Variants in KIF14 observed in about 807,000 individuals in gnomAD.
The protein encoded by KIF14 is kinesin-like protein KIF14.
In KIF14, 98 loss-of-function variants were observed where a neutral mutation model predicts 176.2. The observed-to-expected ratio is 0.56, with a 90% CI of 0.47 to 0.66. The LOEUF is 0.66. KIF14 is among the 30% of genes least tolerant of loss of function. KIF14 has a pLI of 0.00. For synonymous variants in KIF14, 566 were observed against 632.2 expected, an observed-to-expected ratio of 0.90 and a Z score of 1.57; for missense variants, 1,751 against 1,920.4, an observed-to-expected ratio of 0.91 and a Z score of 1.65.
At chr1:200,588,996 A>G (rs1658902788) in intron 18 of KIF14, among the ~76,000 whole-genome samples, 1 of 152,218 alleles carries the variant, frequency 6.6e-6, no homozygotes, top group Admixed American at 6.5e-5. Flanking sequence ...AGAACACTGG[A>G]GTGGAACTAG....
At chr1:200,560,087 T>A (rs1657050689) in intron 26 of KIF14, among the ~76,000 whole-genome samples, 1 of 152,094 alleles carries the variant, frequency 6.6e-6, no homozygotes, top group Non-Finnish European at 1.5e-5. Flanking sequence ...TAATACAATG[T>A]TTTCAATAGC....
intron 21 of KIF14, among the ~76,000 whole-genome samples, chr1:200,577,562 C>A (rs375620443): frequency 6.6e-6 from 1 of 151,406 alleles, no homozygotes; most frequent in Admixed American, 6.6e-5. Context: ...TTTGGGAGGC[C>A]GAGGCGAGTG....
At chr1:200,600,023 A>T (rs1321793282) in intron 13 of KIF14, 27 bp downstream of exon 13, 1 of 1,320,770 alleles carries the variant, frequency 7.6e-7, no homozygotes. Context: ...TTTATTTTCT[A>T]ATCAGTTTAG....
At chr1:200,561,706 T>A (rs142907374) in intron 25 of KIF14, among the ~76,000 whole-genome samples, 1,999 of 152,128 alleles carry the variant, frequency 0.013, 37 homozygotes, top group African/African-American at 0.044. Flanking sequence ...GAGTAAGATA[T>A]AGTCTCCACC....
chr1:200,559,582 A>G (rs115356481), intron 26 of KIF14, 130 bp from the exon 27 acceptor site: 11,755 of 425,596 alleles, frequency 0.028, 204 homozygotes, highest in Middle Eastern at 0.045. Context: ...TTAGGACTAT[A>G]ATACATCCCA....
chr1:200,592,358 C>T, intron 15 of KIF14, 118 bp from the exon 16 acceptor site: 1 of 731,876 alleles, frequency 1.4e-6, no homozygotes, highest in Middle Eastern at 2.5e-4. Flanking sequence ...ACATAAACAT[C>T]ATAGCAACTA....
intron 22 of KIF14, 45 bp downstream of exon 22, chr1:200,575,545 AT>A: frequency 2.1e-6 from 2 of 946,426 alleles, no homozygotes; most frequent in Non-Finnish European, 3.3e-6. Flanking sequence ...ACACACACAC[AT>A]GCACACACAA....
chr1:200,557,429 G>A (rs969066404), intron 27 of KIF14, among the ~76,000 whole-genome samples: 7 of 152,164 alleles, frequency 4.6e-5, no homozygotes, highest in African/African-American at 1.4e-4. Flanking sequence ...TAGCATTTTC[G>A]TATACGTTGT....
At chr1:200,606,698 C>G in intron 6 of KIF14, 48 bp downstream of exon 6, 3 of 1,467,084 alleles carry the variant, frequency 2.0e-6, no homozygotes, top group East Asian at 2.3e-5. Context: ...AACATTCACT[C>G]TATTCATTTG....
intron 22 of KIF14, among the ~76,000 whole-genome samples, chr1:200,572,722 G>T (rs538067934): frequency 6.6e-6 from 1 of 152,274 alleles, no homozygotes; most frequent in Non-Finnish European, 1.5e-5. Context: ...GTTTAAATCT[G>T]TTTATAATAA....
Position 200,565,060 on chromosome 1 carries a change from T to C in KIF14, c.4071+9A>G, listed in dbSNP as rs1640501525. On this transcript the variant is annotated intron_variant, in intron 25 of 29. Transcript: ENST00000367350. ...AATCCTTCAAATGATAATAAGCAAATCAATTTACCTGCAAAAATAACTGTA... is the reference window on the plus strand; with the variant it reads ...AATCCTTCAAATGATAATAAGCAAACCAATTTACCTGCAAAAATAACTGTA... The C allele has an allele frequency of 1.3e-6, 2 of 1,599,040 alleles. No individual in the cohort carries two copies. The highest frequency in any genetic ancestry group is 2.7e-5 in the African/African-American group (2 of 74,444).
chr1:200,575,403 A>T (rs911947878), intron 22 of KIF14, among the ~76,000 whole-genome samples, 188 bp downstream of exon 22: 2 of 152,176 alleles, frequency 1.3e-5, no homozygotes, highest in South Asian at 4.1e-4. Context: ...TTAATGCCCT[A>T]AGTGCTGTAA....
intron 27 of KIF14, among the ~76,000 whole-genome samples, chr1:200,557,691 T>C (rs1485156946): frequency 6.6e-6 from 1 of 152,158 alleles, no homozygotes; most frequent in African/African-American, 2.4e-5. Context: ...CCTCAGATTC[T>C]AAGATGAGCT....
At position 200,566,607 on chromosome 1, in the gene KIF14, GAGAC is replaced by G. The variant is rs1250555818; in HGVS notation, c.3662-942_3662-939del. Reference sequence around the variant, plus strand: ...GACTCTGTCTCAAAAAAAAAAAAGAGAGACAGACAGGGTCTTGCTCTGTTGCCCA... The same window carrying G: ...GACTCTGTCTCAAAAAAAAAAAAGAGAGACAGGGTCTTGCTCTGTTGCCCA... On this transcript the variant is annotated intron_variant, in intron 23 of 29. Coordinates refer to ENST00000367350, the MANE Select transcript of KIF14 (RefSeq NM_014875.3). Among the ~76,000 whole-genome samples the G allele has an allele frequency of 2.0e-5, 3 of 149,016 alleles. No homozygotes were observed. The South Asian group carries it at 6.4e-4, about 32-fold the overall frequency.
In KIF14 at chr1:200,553,182, T is replaced by C. The variant is rs1656638106; in HGVS notation, c.*206A>G. ...CGGTCTCAAACTCCTGACCTTGTGA[T>C]CTGCCCGCCTCCCAAAGTGCTGGGA... On this transcript the variant is annotated 3_prime_UTR_variant, in exon 30 of 30. Coordinates refer to ENST00000367350, the MANE Select transcript of KIF14 (RefSeq NM_014875.3). 1 of 391,254 alleles carries C rather than the reference T, an allele frequency of 2.6e-6. No individual in the cohort carries two copies. The highest frequency in any genetic ancestry group is 6.1e-5 in the South Asian group (1 of 16,526). The allele number at this position is 391,254 out of a possible 1,614,324, so 24.2% of individuals were successfully genotyped here.
At chr1:200,596,420 T>G (rs1046262843) in intron 14 of KIF14, among the ~76,000 whole-genome samples, 2 of 152,132 alleles carry the variant, frequency 1.3e-5, no homozygotes, top group African/African-American at 2.4e-5. Flanking sequence ...TGGCTATTCA[T>G]GTGGAAAATA....
chr1:200,603,768 G>A (rs930024659), intron 9 of KIF14, 71 bp downstream of exon 9: 2 of 943,062 alleles, frequency 2.1e-6, no homozygotes, highest in Non-Finnish European at 3.5e-6. Flanking sequence ...AGTGTATTCA[G>A]TTTGTATTCT....
chr1:200,580,617 A>G (rs111643704), intron 20 of KIF14, among the ~76,000 whole-genome samples: 1 of 152,098 alleles, frequency 6.6e-6, no homozygotes, highest in Non-Finnish European at 1.5e-5. Flanking sequence ...GAACAATGAA[A>G]TACTGATACA....
At chr1:200,589,675 T>C (rs1207635259) in intron 17 of KIF14, among the ~76,000 whole-genome samples, 2 of 133,164 alleles carry the variant, frequency 1.5e-5, no homozygotes, top group Non-Finnish European at 1.6e-5. Context: ...TTTTTTCTTT[T>C]TTTTTTTTTT....
Sources: allele counts gnomAD v4.1 joint callset (sites outside exome capture counted in the v4.1 genomes callset), GRCh38; gene constraint gnomAD v4.1.1; transcripts MANE v1.5; gene names NCBI Gene and HGNC (gene_info 2026-07-23, HGNC 2026-07-21).